CELF5: variants seen among roughly 807,000 people sequenced by gnomAD.
CELF5 encodes CUG-BP and ETR-3 like factor 5.
Under a neutral mutation model 54.9 loss-of-function variants are expected in CELF5, and 6 were observed. The ratio of observed to expected loss-of-function variants is 0.11; its 90% CI spans 0.06 to 0.22. CELF5 has a LOEUF of 0.22. Among genes scored for constraint, CELF5 ranks in the 10% least tolerant of loss-of-function variants. The pLI, the probability that CELF5 is intolerant of heterozygous loss-of-function variation, is 1.00. For synonymous variants in CELF5, 271 were observed against 290.9 expected, an observed-to-expected ratio of 0.93 and a Z score of 0.70; for missense variants, 401 against 678.6, an observed-to-expected ratio of 0.59 and a Z score of 4.54.
At chr19:3,249,449 G>A (rs916308666) in intron 1 of CELF5, among the ~76,000 whole-genome samples, 2 of 152,018 alleles carry the variant, frequency 1.3e-5, no homozygotes, top group African/African-American at 2.4e-5. Context: ...CCCTAACGTC[G>A]CCCAATCACA....
chr19:3,227,007 A>T (rs1406066186), intron 1 of CELF5, among the ~76,000 whole-genome samples: 3 of 151,898 alleles, frequency 2.0e-5, no homozygotes, highest in African/African-American at 7.3e-5. Flanking sequence ...GAGGGTGAGA[A>T]TTGAGAAGCC....
intron 1 of CELF5, among the ~76,000 whole-genome samples, chr19:3,249,831 A>G (rs1450122929): frequency 6.6e-6 from 1 of 152,136 alleles, no homozygotes; most frequent in Non-Finnish European, 1.5e-5. Context: ...GGCAGAGCCC[A>G]CTGCTCCCTA....
Position 3,247,229 on chromosome 19 carries a change from C to T in CELF5, c.260-3756C>T, listed in dbSNP as rs1380544102. ...GCAACCTCCACACCCTGGGCTCAAG[C>T]GATCCTCCTGCCTTGGCCTCCCGAG... is the stretch of plus-strand genomic sequence containing the variant. On this transcript the variant is annotated intron_variant, in intron 1 of 12. Coordinates refer to ENST00000292672, the MANE Select transcript of CELF5 (RefSeq NM_021938.4). Among the ~76,000 whole-genome samples the T allele has an allele frequency of 6.6e-5, 10 of 152,064 alleles. No individual in the cohort carries two copies. The East Asian group carries it at 1.9e-3, about 30-fold the overall frequency.
chr19:3,240,823 G>T (rs1337226044), intron 1 of CELF5, among the ~76,000 whole-genome samples: 2 of 152,016 alleles, frequency 1.3e-5, no homozygotes, highest in African/African-American at 4.8e-5. Context: ...GTCAGGCTCT[G>T]CCTCCTCCTA....
Position 3,275,938 on chromosome 19 carries a change from C to G in CELF5, c.477C>G (p.Val159=). The G allele has an allele frequency of 6.2e-7, 1 of 1,608,958 alleles. No individual in the cohort carries two copies. The highest frequency in any genetic ancestry group is 8.5e-7 in the Non-Finnish European group (1 of 1,178,026). Residue 159 remains valine (V), a synonymous_variant, in exon 4 of 13, where the codon GTC becomes GTG. Transcript: ENST00000292672. The surrounding 1 kb of genome is among the most constrained non-coding windows in gnomAD (Gnocchi z 6.7). ...DVLRLFQPFG[V]IDECTVLRGP... is the part of the protein sequence containing the mutation. ...TGCGGCTGTTCCAGCCCTTCGGGGT[C>G]ATTGACGAGTGCACCGTGCTCCGGG...
intron 1 of CELF5, among the ~76,000 whole-genome samples, chr19:3,237,417 A>T (rs900779523): frequency 1.3e-5 from 2 of 151,626 alleles, no homozygotes; most frequent in Non-Finnish European, 1.5e-5. Flanking sequence ...CTCCTTGACC[A>T]TATGCTAAAC....
At chr19:3,259,610 T>C (rs2079780363) in intron 2 of CELF5, among the ~76,000 whole-genome samples, 1 of 152,020 alleles carries the variant, frequency 6.6e-6, no homozygotes. Context: ...GGTGCGGATT[T>C]TAATGTGTGC....
intron 1 of CELF5, among the ~76,000 whole-genome samples, chr19:3,245,054 G>A (rs369774322): frequency 0.081 from 11,857 of 146,934 alleles, 569 homozygotes; most frequent in Middle Eastern, 0.19. Flanking sequence ...CCACGTGTGC[G>A]TATGTGTTGT....
In CELF5 at chr19:3,248,871, TTC is replaced by T. The variant is rs2079604873; in HGVS notation, c.260-2113_260-2112del. Among the ~76,000 whole-genome samples, 3 of 110,072 alleles carry T rather than the reference TTC, an allele frequency of 2.7e-5. No homozygotes were observed. In the South Asian group the frequency reaches 1.1e-3, roughly 39 times the overall value. The allele number at this position is 110,072 out of a possible 152,430, so 72.2% of individuals were successfully genotyped here. On this transcript the variant is annotated intron_variant, in intron 1 of 12. Transcript: ENST00000292672. ...CTTTCTTTCTTCCTTCCTTCCTTCC[TTC>T]CTTCCTTCCTTCCTTCCTTCCTTCC...
intron 2 of CELF5, among the ~76,000 whole-genome samples, chr19:3,260,736 C>T (rs1331472188): frequency 1.3e-5 from 2 of 151,786 alleles, no homozygotes; most frequent in Non-Finnish European, 2.9e-5. Flanking sequence ...CATTCTCCTG[C>T]CTCAGCCTCC....
rs2079913614 is a variant in CELF5, at chr19:3,268,453, G to A, written c.343-5419G>A. ...GGGCACGTCAAGCTGCGAGACTCGG[G>A]GCGTCGTGTCATCTTTCTGGGCCTG... On this transcript the variant is annotated intron_variant, in intron 2 of 12. Transcript: ENST00000292672. The surrounding 1 kb of genome is among the most constrained non-coding windows in gnomAD (Gnocchi z 4.4). 6.6e-6 allele frequency among the ~76,000 whole-genome samples: 1 copy of A among 152,170 alleles called. No homozygotes were observed. The highest frequency in any genetic ancestry group is 1.5e-5 in the Non-Finnish European group (1 of 68,032).
chr19:3,290,093 C>G, intron 10 of CELF5, 138 bp from the exon 11 acceptor site: 1 of 642,074 alleles, frequency 1.6e-6, no homozygotes, highest in South Asian at 1.9e-5. Context: ...GGCCAGGCCC[C>G]TTCTTTCTGG....
In CELF5 at chr19:3,278,068, G is replaced by A. The variant is rs763682108; in HGVS notation, c.561G>A (p.Ala187=). 20 of 1,613,224 alleles carry A rather than the reference G, an allele frequency of 1.2e-5. No homozygotes were observed. Among genetic ancestry groups the A allele is most frequent in the Admixed American group, 3.3e-5 (2 of 59,974 alleles). The change falls in exon 5 of 13, where the codon GCG becomes GCA. Residue 187 remains alanine, a synonymous_variant. Transcript: ENST00000292672. The surrounding 1 kb of genome is among the most constrained non-coding windows in gnomAD (Gnocchi z 4.5). The part of the protein sequence containing the change: ...AFVKFSSHTE[A]QAAIHALHGS... ...TGAAGTTCTCCTCCCACACGGAGGC[G>A]CAGGCGGCCATCCACGCCTTGCATG...
intron 12 of CELF5, chr19:3,296,027 A>T (rs1048694250): frequency 6.6e-6 from 1 of 151,420 alleles, no homozygotes; most frequent in African/African-American, 2.4e-5. Flanking sequence ...CTGGAGACGA[A>T]CTTGATAATG....
Position 3,268,178 on chromosome 19 carries a change from T to C in CELF5, c.343-5694T>C, listed in dbSNP as rs751272190. Among the ~76,000 whole-genome samples the C allele has an allele frequency of 6.6e-6, 1 of 151,934 alleles. No homozygotes were observed. Among genetic ancestry groups the C allele is most frequent in the African/African-American group, 2.4e-5 (1 of 41,368 alleles). ...CACGCCCAGCTACTTTTTGTATTTT[T>C]AGTAGAGATGCGGTTTTACCGTGTT... On this transcript the variant is annotated intron_variant, in intron 2 of 12. Transcript: ENST00000292672. The surrounding 1 kb of genome is among the most constrained non-coding windows in gnomAD (Gnocchi z 4.4).
chr19:3,272,755 G>A (rs1242800957), intron 2 of CELF5, among the ~76,000 whole-genome samples: 1 of 152,226 alleles, frequency 6.6e-6, no homozygotes, highest in Non-Finnish European at 1.5e-5. Context: ...AGAGTGGGAA[G>A]AGTCCCTGCA....
intron 1 of CELF5, among the ~76,000 whole-genome samples, chr19:3,243,535 G>A (rs529198394): frequency 7.3e-4 from 111 of 152,238 alleles, no homozygotes; most frequent in Non-Finnish European, 8.1e-4. Context: ...TTCTGCCTCG[G>A]CCTCTGAAGG....
intron 1 of CELF5, among the ~76,000 whole-genome samples, chr19:3,235,662 A>ATGGATGGATGGATGGATGTG (rs1917537763): frequency 1.1e-5 from 1 of 88,448 alleles, no homozygotes; most frequent in Non-Finnish European, 2.5e-5. Context: ...GGATGGATGG[A>ATGGATGGATGGATGGATGTG]TGGATGGATG....
rs1013028200 is a variant in CELF5, at chr19:3,268,185, G to A, written c.343-5687G>A. On this transcript the variant is annotated intron_variant, in intron 2 of 12. Transcript: ENST00000292672. The surrounding 1 kb of genome is among the most constrained non-coding windows in gnomAD (Gnocchi z 4.4). Reference sequence around the variant, plus strand: ...AGCTACTTTTTGTATTTTTAGTAGAGATGCGGTTTTACCGTGTTGGCCAGG... The same window carrying A: ...AGCTACTTTTTGTATTTTTAGTAGAAATGCGGTTTTACCGTGTTGGCCAGG... Among the ~76,000 whole-genome samples the A allele has an allele frequency of 2.0e-5, 3 of 152,030 alleles. No homozygotes were observed. The highest frequency in any genetic ancestry group is 2.9e-5 in the Non-Finnish European group (2 of 68,002).
Sources: allele counts gnomAD v4.1 joint callset (sites outside exome capture counted in the v4.1 genomes callset), GRCh38; gene constraint gnomAD v4.1.1; non-coding constraint Gnocchi (gnomAD v3.1); transcripts MANE v1.5; gene names NCBI Gene and HGNC (gene_info 2026-07-23, HGNC 2026-07-21).